GNPTAB: variants seen among roughly 807,000 people sequenced by gnomAD.
GNPTAB encodes the protein N-acetylglucosamine-1-phosphotransferase subunits alpha/beta.
GNPTAB carries 92 observed loss-of-function variants against 136.6 expected under a neutral mutation model. The observed-to-expected ratio is 0.67, with a 90% CI of 0.57 to 0.80. The LOEUF is 0.80. GNPTAB is among the 30% of genes least tolerant of loss of function. GNPTAB has a pLI of 0.00. For synonymous variants in GNPTAB, 512 were observed against 535.1 expected (o/e 0.96, Z 0.60); for missense variants, 1,343 against 1,501.8 (o/e 0.89, Z 1.75).
chr12:101,787,686 G>A (rs1302141215), intron 4 of GNPTAB, among the ~76,000 whole-genome samples: 1 of 152,112 alleles, frequency 6.6e-6, no homozygotes, highest in African/African-American at 2.4e-5. Flanking sequence ...GGCCGAGGCG[G>A]GCGGATCACC....
chr12:101,759,597 T>C lies in GNPTAB; in HGVS notation c.3249+433A>G, dbSNP rs767378465. Reference sequence around the variant, plus strand: ...TTTCAATTATTTCAGCCAAATGACATTCCAATGCAGTCGTGTGTTAATCAC... The same window carrying C: ...TTTCAATTATTTCAGCCAAATGACACTCCAATGCAGTCGTGTGTTAATCAC... On this transcript the variant is annotated intron_variant, in intron 16 of 20. Transcript: ENST00000299314. Among the ~76,000 whole-genome samples the C allele has an allele frequency of 2.9e-4, 44 of 152,168 alleles. 1 individual carries two copies. Among genetic ancestry groups the C allele is most frequent in the Non-Finnish European group, 5.3e-4 (36 of 68,020 alleles).
chr12:101,801,539 CAAAAA>C (rs36066248), intron 1 of GNPTAB, among the ~76,000 whole-genome samples: 4 of 42,578 alleles, frequency 9.4e-5, no homozygotes, highest in Non-Finnish European at 1.6e-4. Context: ...GACCCTGTCT[CAAAAA>C]AAAAAAAAAA....
chr12:101,782,149 G>C (rs1448098598), intron 5 of GNPTAB, among the ~76,000 whole-genome samples: 3 of 152,174 alleles, frequency 2.0e-5, no homozygotes, highest in Admixed American at 6.5e-5. Context: ...TCCTGGATAA[G>C]AGACTATGGA....
intron 1 of GNPTAB, among the ~76,000 whole-genome samples, chr12:101,824,365 T>A (rs1440943047): frequency 7.3e-6 from 1 of 136,128 alleles, no homozygotes; most frequent in Non-Finnish European, 1.5e-5. Flanking sequence ...CCTGATGACA[T>A]CATTTGAGCA....
In GNPTAB at chr12:101,765,146, T is replaced by C. The variant is rs1284512444; in HGVS notation, c.1771A>G (p.Ile591Val). 40 of 1,614,192 alleles carry C rather than the reference T, an allele frequency of 2.5e-5. No homozygotes were observed. The highest frequency in any genetic ancestry group is 3.3e-5 in the Non-Finnish European group (39 of 1,180,032). ...SDNPIIRHAS[I>V]ANKWKTIHLI... The stretch of plus-strand genomic sequence containing the variant: ...TGGATGGTTTTCCACTTGTTGGCAA[T>C]AGAAGCATGTCGAATTATTGGATTG... Residue 591 changes from isoleucine (I) to valine (V), a missense_variant, in exon 13 of 21, where the codon ATT (isoleucine) becomes GTT (valine). By Grantham distance (29) the Ile-to-Val change is conservative. Transcript: ENST00000299314.
intron 18 of GNPTAB, 151 bp downstream of exon 18, chr12:101,757,061 C>A: frequency 1.7e-6 from 1 of 593,784 alleles, no homozygotes. Context: ...CAACTTGCAA[C>A]TCCTATCTCT....
chr12:101,796,512 G>A, intron 2 of GNPTAB, 165 bp downstream of exon 2: 1 of 622,818 alleles, frequency 1.6e-6, no homozygotes, highest in Non-Finnish European at 2.8e-6. Context: ...CTTTTTTTTA[G>A]TATATGTGCT....
chr12:101,783,652 A>C (rs75084058), intron 5 of GNPTAB, among the ~76,000 whole-genome samples: 1,640 of 152,208 alleles, frequency 0.011, 40 homozygotes, highest in African/African-American at 0.037. Context: ...TCAGTTCAGG[A>C]TCTATAGAGT....
chr12:101,752,742 C>T (rs145922546), intron 19 of GNPTAB, among the ~76,000 whole-genome samples: 190 of 152,286 alleles, frequency 1.2e-3, no homozygotes, highest in African/African-American at 4.4e-3. Flanking sequence ...TCAGCACATA[C>T]CGACCTCATG....
At chr12:101,791,760 T>C (rs781694901) in intron 2 of GNPTAB, among the ~76,000 whole-genome samples, 2 of 152,196 alleles carry the variant, frequency 1.3e-5, no homozygotes, top group East Asian at 3.8e-4. Context: ...GGAAAATAAA[T>C]GCTATTTGGT....
chr12:101,785,178 C>T (rs1007661264), intron 5 of GNPTAB, among the ~76,000 whole-genome samples: 8 of 152,192 alleles, frequency 5.3e-5, no homozygotes, highest in South Asian at 2.1e-4. Context: ...CTTCTCATAA[C>T]GTCACATGGT....
At chr12:101,814,873 T>C (rs936937987) in intron 1 of GNPTAB, among the ~76,000 whole-genome samples, 4 of 152,208 alleles carry the variant, frequency 2.6e-5, no homozygotes, top group Non-Finnish European at 4.4e-5. Context: ...CATCAGTCTG[T>C]TGCAATGTCA....
rs1250938100 is a variant in GNPTAB at position 101,761,226 on chromosome 12, T to C, written c.3036A>G (p.Gln1012=). The C allele has an allele frequency of 1.2e-6, 2 of 1,613,878 alleles. No homozygotes were observed. The highest frequency in any genetic ancestry group is 2.2e-5 in the East Asian group (1 of 44,890). The change falls in exon 15 of 21, where the codon CAA becomes CAG. Residue 1012 remains glutamine (Q), a synonymous_variant. Transcript: ENST00000299314. ...GATCTGTATCAACTTCATCAAAGAC[T>C]TGAGATATATTCAGTGGCTGCACTG... ...MSAVQPLNIS[Q]VFDEVDTDQS... is the part of the protein sequence containing the mutation.
rs563768967 is a variant in GNPTAB at position 101,814,015 on chromosome 12, G to T, written c.117+16544C>A. Among the ~76,000 whole-genome samples, 10 of 151,774 alleles carry T rather than the reference G, an allele frequency of 6.6e-5. No homozygotes were observed. In the South Asian group the frequency reaches 2.1e-3, roughly 32 times the overall value. Reference sequence around the variant, plus strand: ...AATCGCTTGAACCCGGGAGGCGGAGGTTGCAGTGAGCCGAGATCGCACCAC... The same window carrying T: ...AATCGCTTGAACCCGGGAGGCGGAGTTTGCAGTGAGCCGAGATCGCACCAC... On this transcript the variant is annotated intron_variant, in intron 1 of 20. Transcript: ENST00000299314.
intron 1 of GNPTAB, 53 bp downstream of exon 1, chr12:101,830,506 G>T: frequency 1.1e-6 from 1 of 942,832 alleles, no homozygotes; most frequent in Non-Finnish European, 1.7e-6. Flanking sequence ...GGGGCACGGC[G>T]AGGGCAGTGC....
intron 4 of GNPTAB, among the ~76,000 whole-genome samples, chr12:101,786,965 T>C (rs1215651827): frequency 1.3e-5 from 2 of 152,242 alleles, no homozygotes; most frequent in Non-Finnish European, 2.9e-5. Context: ...TTCTCTTAAA[T>C]ACTGCTGGTG....
At position 101,782,827 on chromosome 12, in the gene GNPTAB, A is replaced by T. The variant is rs549919838; in HGVS notation, c.572-2206T>A. ...ACACTAGCCTCCTGGCTTTTCTTCA[A>T]ACATGCCAGATACACTCCTGCCTCA... On this transcript the variant is annotated intron_variant, in intron 5 of 20. Coordinates refer to ENST00000299314, the MANE Select transcript of GNPTAB (RefSeq NM_024312.5). Among the ~76,000 whole-genome samples the T allele has an allele frequency of 9.8e-4, 149 of 152,194 alleles. 1 individual carries two copies. The highest frequency in any genetic ancestry group is 3.5e-3 in the African/African-American group (144 of 41,516).
At position 101,800,265 on chromosome 12, in the gene GNPTAB, G is replaced by A. The variant is rs573471061; in HGVS notation, c.118-3503C>T. ...TTTGGGAGGATGAATTGGGAGGATCGCCTGAGCCCAGGAGCTCAAGACCAG... is the reference window on the plus strand; with the variant it reads ...TTTGGGAGGATGAATTGGGAGGATCACCTGAGCCCAGGAGCTCAAGACCAG... On this transcript the variant is annotated intron_variant, in intron 1 of 20. Transcript: ENST00000299314. Among the ~76,000 whole-genome samples, 194 of 151,820 alleles carry A rather than the reference G, an allele frequency of 1.3e-3. 2 individuals are homozygous for A. Among genetic ancestry groups the A allele is most frequent in the African/African-American group, 4.2e-3 (174 of 41,374 alleles).
intron 2 of GNPTAB, among the ~76,000 whole-genome samples, chr12:101,795,409 C>T (rs1869221771): frequency 6.6e-6 from 1 of 152,058 alleles, no homozygotes; most frequent in Non-Finnish European, 1.5e-5. Flanking sequence ...TCCACATTTG[C>T]CATATTTGAA....
Sources: gnomAD v4.1 joint callset for allele counts (sites outside exome capture counted in the v4.1 genomes callset) on GRCh38, gnomAD v4.1.1 for gene constraint, MANE v1.5 for transcripts, NCBI Gene and HGNC (gene_info 2026-07-23, HGNC 2026-07-21) for gene names.